The following PCSK6 variants were observed in gnomAD, a reference collection of about 807,000 sequenced individuals.
PCSK6 encodes paired basic amino acid cleaving enzyme 4.
In PCSK6, 85 loss-of-function variants were observed where a neutral mutation model predicts 123.3. That is an observed-to-expected ratio of 0.69 (90% CI 0.58 to 0.83). The LOEUF (loss-of-function observed/expected upper bound fraction) is 0.83. PCSK6 is among the 40% of genes least tolerant of loss of function. The probability of loss-of-function intolerance (pLI) is 0.00; values close to 1 mark genes in which losing one functional copy is unlikely to be tolerated. For synonymous variants in PCSK6, 508 were observed against 516.0 expected, an observed-to-expected ratio of 0.98 and a Z score of 0.21; for missense variants, 1,191 against 1,282.3, an observed-to-expected ratio of 0.93 and a Z score of 1.09.
chr15:101,386,200 G>A (rs76595921), intron 9 of PCSK6, among the ~76,000 whole-genome samples: 9 of 152,158 alleles, frequency 5.9e-5, no homozygotes, highest in South Asian at 4.2e-4. Flanking sequence ...CTAGGAACAC[G>A]GACTAAGTAA....
chr15:101,312,573 G>GT (rs2141337646), intron 20 of PCSK6, among the ~76,000 whole-genome samples: 1 of 152,314 alleles, frequency 6.6e-6, no homozygotes, highest in South Asian at 2.1e-4. Context: ...GCTCACACCC[G>GT]TAATCCCAGC....
Position 101,370,442 on chromosome 15 carries a change from G to C in PCSK6, c.1614C>G (p.Tyr538Ter). Reference sequence around the variant, plus strand: ...AGGTGCGAACCACCACGTGCTCCAAGTAGACCACCCGCTGGTCCGAGTGCT... The same window carrying C: ...AGGTGCGAACCACCACGTGCTCCAACTAGACCACCCGCTGGTCCGAGTGCT... ...CAEHSDQRVV[Y>*]LEHVVVRTSI... The change falls in exon 12 of 22, where the codon TAC becomes TAG. Residue 538 changes from tyrosine to a stop codon, truncating the protein, a stop_gained. Coordinates refer to ENST00000611716, the MANE Select transcript of PCSK6 (RefSeq NM_002570.5). LOFTEE classifies it high-confidence loss of function. 6.4e-7 allele frequency: 1 copy of C among 1,551,642 alleles called. No individual in the cohort carries two copies. The highest frequency in any genetic ancestry group is 8.7e-7 in the Non-Finnish European group (1 of 1,146,916).
chr15:101,387,847 C>T (rs3825912), intron 9 of PCSK6, among the ~76,000 whole-genome samples: 97,241 of 151,748 alleles, frequency 0.64, 31,814 homozygotes, highest in Admixed American at 0.73. Context: ...TACAGGTCTG[C>T]TCAACACAGG....
At chr15:101,455,430 G>C (rs536782459) in intron 1 of PCSK6, among the ~76,000 whole-genome samples, 1 of 152,270 alleles carries the variant, frequency 6.6e-6, no homozygotes, top group Non-Finnish European at 1.5e-5. Flanking sequence ...ACAGGAAGGA[G>C]GTGGCAATCA....
At chr15:101,350,817 C>T (rs924862538) in intron 13 of PCSK6, among the ~76,000 whole-genome samples, 1 of 152,248 alleles carries the variant, frequency 6.6e-6, no homozygotes, top group African/African-American at 2.4e-5. Flanking sequence ...AAAGACAACC[C>T]TCTACCCGTT....
intron 6 of PCSK6, among the ~76,000 whole-genome samples, chr15:101,422,311 G>A (rs2056108000): frequency 1.3e-5 from 2 of 152,180 alleles, no homozygotes; most frequent in Admixed American, 1.3e-4. Flanking sequence ...AGTATACATG[G>A]GCAACCCACT....
intron 1 of PCSK6, among the ~76,000 whole-genome samples, chr15:101,451,746 T>C (rs967552175): frequency 1.3e-5 from 2 of 152,174 alleles, no homozygotes; most frequent in Non-Finnish European, 2.9e-5. Flanking sequence ...GTCGTCCGAG[T>C]TCAGTTATAT....
At chr15:101,378,987 G>A (rs140963311) in intron 11 of PCSK6, among the ~76,000 whole-genome samples, 4 of 152,304 alleles carry the variant, frequency 2.6e-5, no homozygotes, top group African/African-American at 7.2e-5. Context: ...CTTTGGGCCT[G>A]AGCATGACTC....
intron 12 of PCSK6, 34 bp downstream of exon 12, chr15:101,370,301 C>A: frequency 6.7e-7 from 1 of 1,484,726 alleles, no homozygotes. Flanking sequence ...TCTCAGTGAG[C>A]CCAGACCCCA....
At chr15:101,378,311 G>A (rs550326977) in intron 11 of PCSK6, among the ~76,000 whole-genome samples, 10 of 152,314 alleles carry the variant, frequency 6.6e-5, no homozygotes, top group Admixed American at 3.9e-4. Flanking sequence ...GGAGTAGGTC[G>A]ACGTGCCTCT....
At chr15:101,451,017 G>C (rs2057020311) in intron 1 of PCSK6, among the ~76,000 whole-genome samples, 1 of 151,544 alleles carries the variant, frequency 6.6e-6, no homozygotes. Flanking sequence ...GGCCACACAA[G>C]GGAGGGGTAG....
At chr15:101,329,702 G>C (rs2040334196) in intron 15 of PCSK6, among the ~76,000 whole-genome samples, 1 of 152,212 alleles carries the variant, frequency 6.6e-6, no homozygotes, top group Non-Finnish European at 1.5e-5. Context: ...TTCCCTTGCA[G>C]TCCTGTGTGG....
intron 6 of PCSK6, among the ~76,000 whole-genome samples, chr15:101,418,362 A>G (rs1481651658): frequency 8.5e-5 from 13 of 152,186 alleles, no homozygotes; most frequent in Admixed American, 8.5e-4. Context: ...AGAGAGAAAC[A>G]TCACAAAACA....
At chr15:101,426,557 C>T (rs1021989626) in intron 6 of PCSK6, among the ~76,000 whole-genome samples, 2 of 152,238 alleles carry the variant, frequency 1.3e-5, no homozygotes, top group Non-Finnish European at 2.9e-5. Context: ...GGGGTTAATT[C>T]TGCTATAAAA....
intron 2 of PCSK6, among the ~76,000 whole-genome samples, chr15:101,441,995 A>G (rs1044742794): frequency 1.3e-5 from 2 of 152,192 alleles, no homozygotes; most frequent in African/African-American, 4.8e-5. Flanking sequence ...TGCACCCTGT[A>G]CAGAGGCTCC....
intron 1 of PCSK6, among the ~76,000 whole-genome samples, chr15:101,450,715 A>G (rs2057012393): frequency 6.6e-6 from 1 of 152,136 alleles, no homozygotes; most frequent in Admixed American, 6.5e-5. Context: ...TGGGGTGAGC[A>G]TGCCCCCAGT....
At chr15:101,423,036 A>AC (rs370272505) in intron 6 of PCSK6, among the ~76,000 whole-genome samples, 129 of 152,192 alleles carry the variant, frequency 8.5e-4, no homozygotes, top group African/African-American at 3.0e-3. Context: ...GAAATACATG[A>AC]CCCACTGTAA....
chr15:101,389,956 G>A (rs1485917111), intron 8 of PCSK6, among the ~76,000 whole-genome samples: 1 of 152,150 alleles, frequency 6.6e-6, no homozygotes, highest in African/African-American at 2.4e-5. Context: ...CAACAGCCGA[G>A]AGTACCCACG....
chr15:101,362,284 A>C (rs1395416969), intron 13 of PCSK6, among the ~76,000 whole-genome samples: 4 of 152,208 alleles, frequency 2.6e-5, no homozygotes, highest in Non-Finnish European at 5.9e-5. Context: ...TGTGGAAAGC[A>C]AGAAAGAGGC....
Sources: gnomAD v4.1 joint callset for allele counts (sites outside exome capture counted in the v4.1 genomes callset) on GRCh38, gnomAD v4.1.1 for gene constraint, MANE v1.5 for transcripts, NCBI Gene and HGNC (gene_info 2026-07-23, HGNC 2026-07-21) for gene names.